Variants in SEMA4A observed in about 807,000 individuals in gnomAD.
SEMA4A encodes semaphorin-4A.
Under a neutral mutation model 72.5 loss-of-function variants are expected in SEMA4A, and 52 were observed. That is an observed-to-expected ratio of 0.72 (90% CI 0.57 to 0.90). SEMA4A has a LOEUF of 0.90. SEMA4A is among the 40% of genes least tolerant of loss of function. The pLI, the probability that SEMA4A is intolerant of heterozygous loss-of-function variation, is 0.00. For missense variants in SEMA4A, 926 were observed against 959.7 expected (o/e 0.96, Z 0.46); for synonymous variants, 369 against 393.1 (o/e 0.94, Z 0.73).
intron 10 of SEMA4A, among the ~76,000 whole-genome samples, chr1:156,169,675 C>G (rs1202290676): frequency 6.6e-6 from 1 of 150,924 alleles, no homozygotes; most frequent in Non-Finnish European, 1.5e-5. Context: ...CCGTCTCAGC[C>G]TCCCAAAGTG....
chr1:156,157,828 A>T lies in SEMA4A; in HGVS notation c.301-242A>T, dbSNP rs1410411273. 6.6e-6 allele frequency among the ~76,000 whole-genome samples: 1 copy of T among 152,188 alleles called. No homozygotes were observed. Among genetic ancestry groups the T allele is most frequent in the Non-Finnish European group, 1.5e-5 (1 of 68,026 alleles). ...TCTCAGTCAGGAAATAGCCAAGTCT[A>T]GATTTAAACTTGGGTCTGTCTGATT... On this transcript the variant is annotated intron_variant, in intron 3 of 14. Transcript: ENST00000368285. This position sits in a 1 kb window ranked among gnomAD's most constrained non-coding sequence, Gnocchi z 4.5.
rs1653114048 is a variant in SEMA4A, at chr1:156,157,117, T to A, written c.300+543T>A. On this transcript the variant is annotated intron_variant, in intron 3 of 14. Coordinates refer to ENST00000368285, the MANE Select transcript of SEMA4A (RefSeq NM_022367.4). This position sits in a 1 kb window ranked among gnomAD's most constrained non-coding sequence, Gnocchi z 4.5. The stretch of plus-strand genomic sequence containing the variant: ...GGCTGATATGGAAATCATTGACATA[T>A]GAGATAAACACTGACTCAAATTATA... 6.6e-6 allele frequency among the ~76,000 whole-genome samples: 1 copy of A among 152,122 alleles called. No individual in the cohort carries two copies. The highest frequency in any genetic ancestry group is 2.4e-5 in the African/African-American group (1 of 41,432).
rs1653177271 is a variant in SEMA4A at position 156,157,749 on chromosome 1, T to C, written c.301-321T>C. On this transcript the variant is annotated intron_variant, in intron 3 of 14. Transcript: ENST00000368285. This position sits in a 1 kb window ranked among gnomAD's most constrained non-coding sequence, Gnocchi z 4.5. ...TATACCATTCATCGTGTTAGGTGTT[T>C]TGTATATGCCACCTGGTTGTATCTG... Among the ~76,000 whole-genome samples the C allele has an allele frequency of 6.6e-6, 1 of 152,230 alleles. No homozygotes were observed. The highest frequency in any genetic ancestry group is 2.4e-5 in the African/African-American group (1 of 41,468).
In SEMA4A at chr1:156,172,499, G is replaced by C. The variant is rs1234008058; in HGVS notation, c.1135-327G>C. Among the ~76,000 whole-genome samples, 3 of 152,206 alleles carry C rather than the reference G, an allele frequency of 2.0e-5. No individual in the cohort carries two copies. The East Asian group carries it at 5.8e-4, about 29-fold the overall frequency. On this transcript the variant is annotated intron_variant, in intron 10 of 14. Transcript: ENST00000368285. ...CCTCCTTGCTGGAGGTGCAAAGGAGGAGAACAGTAATAACAGTTAACATTT... is the reference window on the plus strand; with the variant it reads ...CCTCCTTGCTGGAGGTGCAAAGGAGCAGAACAGTAATAACAGTTAACATTT...
At chr1:156,169,483 G>A (rs369921133) in intron 10 of SEMA4A, among the ~76,000 whole-genome samples, 1 of 142,370 alleles carries the variant, frequency 7.0e-6, no homozygotes, top group Non-Finnish European at 1.5e-5. Flanking sequence ...GCAGTGGTGC[G>A]ATCTCGGCTC....
chr1:156,155,092 AGACCATATGTGGACCCGGT>A, intron 2 of SEMA4A: 1 of 298,382 alleles, frequency 3.4e-6, no homozygotes. Context: ...CCATGCTAGA[AGACCATATGTGGACCCGGT>A]GACCCGGAGC....
rs545078073 is a variant in SEMA4A at position 156,177,387 on chromosome 1, C to T, written c.*390C>T. On this transcript the variant is annotated 3_prime_UTR_variant, in exon 15 of 15. Coordinates refer to ENST00000368285, the MANE Select transcript of SEMA4A (RefSeq NM_022367.4). ...TGGTAATGAACACCAAACATCTAAA[C>T]AATCATATGCTAACATGCCACTCCT... is the stretch of plus-strand genomic sequence containing the variant. 6.3e-6 allele frequency: 2 copies of T among 318,596 alleles called. No homozygotes were observed. Among genetic ancestry groups the T allele is most frequent in the East Asian group, 7.8e-5 (1 of 12,848 alleles). The allele number at this position is 318,596 out of a possible 1,614,324, so 19.7% of individuals were successfully genotyped here.
At chr1:156,155,532 A>T (rs538845661) in intron 2 of SEMA4A, 1 of 152,952 alleles carries the variant, frequency 6.5e-6, no homozygotes, top group African/African-American at 2.4e-5. Flanking sequence ...CTGTTCAGCA[A>T]CTGAGGGGTT....
rs748085192 is a variant in SEMA4A, at chr1:156,172,986, TTGTCA to T, written c.1299_1303del (p.Met434ProfsTer30). The T allele has an allele frequency of 6.8e-6, 11 of 1,614,088 alleles. No individual in the cohort carries two copies. The highest frequency in any genetic ancestry group is 9.3e-6 in the Non-Finnish European group (11 of 1,179,928). Reference sequence around the variant, plus strand: ...CAGGGCCTTGATGGGCACAGCCATCTTGTCATGTACCTGGGAACCAGTGAGTAAAG... The same window carrying T: ...CAGGGCCTTGATGGGCACAGCCATCTTGTACCTGGGAACCAGTGAGTAAAG... On this transcript the variant is annotated frameshift_variant, in exon 11 of 15. Transcript: ENST00000368285. LOFTEE classifies it high-confidence loss of function.
chr1:156,165,124 C>A (rs1399012302), intron 10 of SEMA4A, among the ~76,000 whole-genome samples: 1 of 151,978 alleles, frequency 6.6e-6, no homozygotes, highest in East Asian at 1.9e-4. Context: ...TTAATCCAAC[C>A]CCAAACTCTT....
chr1:156,163,330 A>C, intron 10 of SEMA4A: 1 of 544,332 alleles, frequency 1.8e-6, no homozygotes, highest in African/African-American at 1.9e-5. Context: ...TGTACACCAA[A>C]TATCTGGGTA....
chr1:156,158,333 G>T (rs1370340608), intron 4 of SEMA4A, 55 bp from the exon 5 acceptor site: 3 of 1,441,176 alleles, frequency 2.1e-6, no homozygotes, highest in African/African-American at 2.8e-5. Flanking sequence ...AGCCTCTGGG[G>T]GTCCAGCAAT....
intron 12 of SEMA4A, 41 bp from the exon 13 acceptor site, chr1:156,175,045 A>T: frequency 6.2e-7 from 1 of 1,614,090 alleles, no homozygotes; most frequent in Non-Finnish European, 8.5e-7. Flanking sequence ...ACTTTACTAG[A>T]TGTGGCTGGG....
Position 156,172,691 on chromosome 1 carries a change from G to A in SEMA4A, c.1135-135G>A, listed in dbSNP as rs114317903. ...GGACGCACAATCAGGCAGCTCCAGA[G>A]TCGGAGCTTTAACCACCACCCTGAA... On this transcript the variant is annotated intron_variant, in intron 10 of 14. Transcript: ENST00000368285. 2,443 of 840,068 alleles carry A rather than the reference G, an allele frequency of 2.9e-3. 51 individuals are homozygous for A. In the African/African-American group the frequency reaches 0.037, roughly 13 times the overall value. 52.0% of individuals were successfully genotyped at this position (840,068 alleles called of 1,614,324 possible).
At chr1:156,162,604 G>A (rs1653767537) in intron 9 of SEMA4A, among the ~76,000 whole-genome samples, 1 of 152,386 alleles carries the variant, frequency 6.6e-6, no homozygotes, top group South Asian at 2.1e-4. Context: ...TGTGGAGCCA[G>A]GCTAGAGCTG....
At chr1:156,159,919 G>GA (rs34564497) in intron 6 of SEMA4A, among the ~76,000 whole-genome samples, 1,814 of 102,320 alleles carry the variant, frequency 0.018, 48 homozygotes, top group African/African-American at 0.052. Context: ...ACCCTGTCTT[G>GA]AAAAAAAAAA....
chr1:156,172,880 C>A lies in SEMA4A; in HGVS notation c.1189C>A (p.Leu397Met), dbSNP rs560485038. The change falls in exon 11 of 15, where the codon CTG becomes ATG. Residue 397 changes from leucine to methionine, a missense_variant. By Grantham distance (15) the Leu-to-Met change is conservative. Transcript: ENST00000368285. The stretch of plus-strand genomic sequence containing the variant: ...CCTGACCTTCATGAAGGACCATTTC[C>A]TGATGGATGAGCAAGTGGTGGGGAC... The part of the protein sequence containing the change: ...KALTFMKDHF[L>M]MDEQVVGTPL... The A allele has an allele frequency of 1.9e-6, 3 of 1,614,178 alleles. No individual in the cohort carries two copies. Among genetic ancestry groups the A allele is most frequent in the Non-Finnish European group, 2.5e-6 (3 of 1,180,028 alleles).
intron 2 of SEMA4A, 177 bp downstream of exon 2, chr1:156,154,894 G>A: frequency 1.1e-6 from 1 of 874,150 alleles, no homozygotes; most frequent in Non-Finnish European, 1.7e-6. Context: ...AGAAACAGAA[G>A]TCCAAAAGGA....
At chr1:156,172,327 G>A (rs1265929794) in intron 10 of SEMA4A, among the ~76,000 whole-genome samples, 2 of 151,834 alleles carry the variant, frequency 1.3e-5, no homozygotes, top group African/African-American at 4.8e-5. Context: ...TGCTAGCCAG[G>A]CTGGTCTCGA....
Sources: allele counts gnomAD v4.1 joint callset (sites outside exome capture counted in the v4.1 genomes callset), GRCh38; gene constraint gnomAD v4.1.1; non-coding constraint Gnocchi (gnomAD v3.1); transcripts MANE v1.5; gene names NCBI Gene and HGNC (gene_info 2026-07-23, HGNC 2026-07-21).